SUGCT: variants seen among roughly 807,000 people sequenced by gnomAD.
The protein encoded by SUGCT is succinyl-CoA:glutarate CoA-transferase.
Under a neutral mutation model 55.0 loss-of-function variants are expected in SUGCT, and 41 were observed. That is an observed-to-expected ratio of 0.74 (90% CI 0.58 to 0.97). The LOEUF is 0.97. SUGCT is among the 50% of genes least tolerant of loss of function. The pLI, the probability that SUGCT is intolerant of heterozygous loss-of-function variation, is 0.00. For synonymous variants in SUGCT, 187 were observed against 200.4 expected (o/e 0.93, Z 0.56); for missense variants, 568 against 547.8 (o/e 1.04, Z -0.37).
chr7:40,347,638 C>A (rs931729783), intron 9 of SUGCT, among the ~76,000 whole-genome samples: 1 of 152,124 alleles, frequency 6.6e-6, no homozygotes, highest in Non-Finnish European at 1.5e-5. Context: ...TCAGAAGAGG[C>A]CAGTGTTATA....
intron 6 of SUGCT, among the ~76,000 whole-genome samples, chr7:40,229,344 C>A (rs563246691): frequency 1.3e-5 from 2 of 152,166 alleles, no homozygotes; most frequent in South Asian, 4.2e-4. Context: ...CATGGTGAAA[C>A]CCTGTCTCTA....
chr7:41,037,617 G>A, the SUGCT span, among the ~76,000 whole-genome samples: 1 of 151,574 alleles, frequency 6.6e-6, no homozygotes, highest in African/African-American at 2.4e-5. Context: ...GGTCATTTCA[G>A]TTGCAATTCC....
chr7:40,468,379 T>G (rs1404935068), intron 11 of SUGCT, among the ~76,000 whole-genome samples: 1 of 152,192 alleles, frequency 6.6e-6, no homozygotes, highest in Non-Finnish European at 1.5e-5. Context: ...CTGTGTCACC[T>G]TCCTTGGCCT....
chr7:40,148,461 A>G (rs1007368974), intron 1 of SUGCT, among the ~76,000 whole-genome samples: 15 of 152,110 alleles, frequency 9.9e-5, no homozygotes, highest in African/African-American at 3.6e-4. Context: ...CCTGACCAAC[A>G]TGGAGAAACC....
At chr7:40,364,817 G>A (rs1428730842) in intron 9 of SUGCT, among the ~76,000 whole-genome samples, 2 of 151,972 alleles carry the variant, frequency 1.3e-5, no homozygotes, top group East Asian at 1.9e-4. Flanking sequence ...ATTCACAGCC[G>A]AATTCTACCA....
At chr7:40,468,440 G>A (rs1215778905) in intron 11 of SUGCT, among the ~76,000 whole-genome samples, 2 of 150,594 alleles carry the variant, frequency 1.3e-5, no homozygotes, top group Non-Finnish European at 3.0e-5. Flanking sequence ...TCCTTTTTTG[G>A]CCTACCCCAT....
At chr7:40,889,070 A>C in the SUGCT span, among the ~76,000 whole-genome samples, 1 of 152,190 alleles carries the variant, frequency 6.6e-6, no homozygotes. Context: ...CCGGAGCTTG[A>C]CTGTGATGAA....
At chr7:40,623,979 G>A (rs1250962677) in intron 12 of SUGCT, among the ~76,000 whole-genome samples, 5 of 152,020 alleles carry the variant, frequency 3.3e-5, no homozygotes. Flanking sequence ...AGGGTTCTTG[G>A]GCCAAAATAC....
intron 12 of SUGCT, among the ~76,000 whole-genome samples, chr7:40,637,162 CA>C (rs1800055327): frequency 6.6e-6 from 1 of 152,142 alleles, no homozygotes; most frequent in Non-Finnish European, 1.5e-5. Context: ...AGGGAAAACT[CA>C]CTAAAATATG....
intron 8 of SUGCT, among the ~76,000 whole-genome samples, chr7:40,277,787 A>G (rs952467122): frequency 3.3e-5 from 5 of 151,764 alleles, no homozygotes; most frequent in Admixed American, 3.3e-4. Flanking sequence ...TGTTGCACCC[A>G]TTAACTCGTC....
intron 12 of SUGCT, among the ~76,000 whole-genome samples, chr7:40,639,234 A>G (rs2151821632): frequency 6.6e-6 from 1 of 152,292 alleles, no homozygotes; most frequent in South Asian, 2.1e-4. Context: ...TAGATCGTAA[A>G]CTGTGATGGC....
At chr7:40,308,548 G>T (rs564779921) in intron 8 of SUGCT, among the ~76,000 whole-genome samples, 1 of 152,244 alleles carries the variant, frequency 6.6e-6, no homozygotes, top group South Asian at 2.1e-4. Context: ...ACCCAGGCCT[G>T]CAAGGACCCA....
intron 7 of SUGCT, among the ~76,000 whole-genome samples, chr7:40,259,205 T>A (rs1219757565): frequency 2.0e-5 from 3 of 152,168 alleles, no homozygotes; most frequent in Middle Eastern, 3.4e-3. Flanking sequence ...ATATAAAAAT[T>A]TAGCTAGAAG....
intron 12 of SUGCT, among the ~76,000 whole-genome samples, chr7:40,622,370 G>C (rs998009745): frequency 6.6e-6 from 1 of 152,088 alleles, no homozygotes; most frequent in African/African-American, 2.4e-5. Context: ...CAGTTCCTGG[G>C]AGAGGACCTC....
chr7:40,463,115 G>T (rs1290575644), intron 11 of SUGCT, among the ~76,000 whole-genome samples: 1 of 152,138 alleles, frequency 6.6e-6, no homozygotes, highest in African/African-American at 2.4e-5. Flanking sequence ...GTTGTCTTCT[G>T]TTAAACCTTA....
At chr7:40,312,994 G>T (rs899482107) in intron 8 of SUGCT, among the ~76,000 whole-genome samples, 1 of 152,194 alleles carries the variant, frequency 6.6e-6, no homozygotes, top group African/African-American at 2.4e-5. Context: ...TGTGGTGACA[G>T]ACACCATGTG....
intron 12 of SUGCT, among the ~76,000 whole-genome samples, chr7:40,579,743 G>T (rs1435577570): frequency 6.6e-6 from 1 of 152,194 alleles, no homozygotes; most frequent in East Asian, 1.9e-4. Flanking sequence ...CAGGACTGGA[G>T]CATTTCAGGC....
intron 7 of SUGCT, among the ~76,000 whole-genome samples, chr7:40,255,101 C>T (rs1195286796): frequency 6.6e-6 from 1 of 151,300 alleles, no homozygotes; most frequent in African/African-American, 2.4e-5. Flanking sequence ...GTGGCAGTCA[C>T]CTGTAATCCC....
At chr7:40,174,004 G>C (rs996189171) in intron 1 of SUGCT, among the ~76,000 whole-genome samples, 1 of 151,052 alleles carries the variant, frequency 6.6e-6, no homozygotes, top group African/African-American at 2.4e-5. Flanking sequence ...GCAGTGGTGT[G>C]ATCATGGCTC....
Sources: gnomAD v4.1 joint callset for allele counts (sites outside exome capture counted in the v4.1 genomes callset) on GRCh38, gnomAD v4.1.1 for gene constraint, MANE v1.5 for transcripts, NCBI Gene and HGNC (gene_info 2026-07-23, HGNC 2026-07-21) for gene names.